The following PPFIA1 variants were observed in gnomAD, a reference collection of about 807,000 sequenced individuals.
PPFIA1 encodes the protein PPFI scaffold protein A1.
In PPFIA1, 25 loss-of-function variants were observed where a neutral mutation model predicts 149.9. That is an observed-to-expected ratio of 0.17 (90% CI 0.12 to 0.23). The LOEUF is 0.23. PPFIA1 is among the 10% of genes least tolerant of loss of function. The pLI is 1.00. For missense variants in PPFIA1, 1,362 were observed against 1,506.5 expected (o/e 0.90, Z 1.59); for synonymous variants, 549 against 552.8 (o/e 0.99, Z 0.10).
intron 11 of PPFIA1, 96 bp from the exon 12 acceptor site, chr11:70,337,269 T>C (rs2055039149): frequency 1.2e-6 from 1 of 846,422 alleles, no homozygotes; most frequent in Admixed American, 3.4e-5. Context: ...TCCGTTCCCT[T>C]TGTGTGGTCC....
At chr11:70,287,849 G>T in intron 2 of PPFIA1, among the ~76,000 whole-genome samples, 1 of 151,944 alleles carries the variant, frequency 6.6e-6, no homozygotes, top group African/African-American at 2.4e-5. Context: ...GTCTCCCTAT[G>T]TGCCCCAGGC....
At chr11:70,298,038 G>A (rs2052201899) in intron 2 of PPFIA1, among the ~76,000 whole-genome samples, 1 of 152,020 alleles carries the variant, frequency 6.6e-6, no homozygotes, top group African/African-American at 2.4e-5. Flanking sequence ...AGAATTATCA[G>A]GAAAAAATGC....
At position 70,355,852 on chromosome 11, in the gene PPFIA1, G is replaced by A. The variant is rs768501882; in HGVS notation, c.2488+41G>A. ...GCACCCTTCTCAGCACCCAGGGGTC[G>A]GGGAGGAAGGCACTGCCTTCGGTGC... is the stretch of plus-strand genomic sequence containing the variant. On this transcript the variant is annotated intron_variant, in intron 18 of 27. Coordinates refer to ENST00000253925, the MANE Select transcript of PPFIA1 (RefSeq NM_003626.5). 3.4e-5 allele frequency: 53 copies of A among 1,573,726 alleles called. No individual in the cohort carries two copies. The African/African-American group carries it at 4.6e-4, about 14-fold the overall frequency.
rs929604949 is a variant in PPFIA1 at position 70,309,175 on chromosome 11, C to CT, written c.265-15215dup. On this transcript the variant is annotated intron_variant, in intron 2 of 27. Coordinates refer to ENST00000253925, the MANE Select transcript of PPFIA1 (RefSeq NM_003626.5). ...GGTTGTTTTGAAACATACATGCTAA[C>CT]TTTTTTTTTTTTGAAATGGAGTCTT... Among the ~76,000 whole-genome samples, 617 of 146,892 alleles carry CT rather than the reference C, an allele frequency of 4.2e-3. 9 individuals are homozygous for CT. The highest frequency in any genetic ancestry group is 0.012 in the African/African-American group (493 of 40,344).
At chr11:70,333,103 T>C (rs1402642271) in intron 9 of PPFIA1, 1 of 469,214 alleles carries the variant, frequency 2.1e-6, no homozygotes, top group Non-Finnish European at 4.2e-6. Flanking sequence ...GAAGGTAGAA[T>C]GGGTGCACTG....
In PPFIA1 at chr11:70,332,054, T is replaced by G. The variant is rs1206163072; in HGVS notation, c.1172T>G (p.Val391Gly). The G allele has an allele frequency of 1.9e-6, 3 of 1,612,288 alleles. No homozygotes were observed. Among genetic ancestry groups the G allele is most frequent in the Non-Finnish European group, 2.5e-6 (3 of 1,179,234 alleles). Residue 391 changes from valine to glycine, a missense_variant, in exon 9 of 28, where the codon GTG becomes GGG. Physicochemically the swap from Val to Gly is moderately radical, Grantham distance 109. Coordinates refer to ENST00000253925, the MANE Select transcript of PPFIA1 (RefSeq NM_003626.5). ...TLRKAETLPE[V>G]EAELAQRVAA... The stretch of plus-strand genomic sequence containing the variant: ...AGGAAGGCAGAGACGCTCCCGGAGG[T>G]GGAGGCGGAGCTGGCCCAGAGGGTG...
chr11:70,311,836 C>CTTTTT (rs140584652), intron 2 of PPFIA1, among the ~76,000 whole-genome samples: 2 of 70,094 alleles, frequency 2.9e-5, no homozygotes, highest in Non-Finnish European at 5.3e-5. Context: ...AGTGAGTCAG[C>CTTTTT]TTTTTTTTTT....
chr11:70,302,473 C>T (rs527713250), intron 2 of PPFIA1, among the ~76,000 whole-genome samples: 5 of 152,300 alleles, frequency 3.3e-5, no homozygotes, highest in South Asian at 4.2e-4. Context: ...AGGGAGCACA[C>T]TGCGGCAACA....
chr11:70,280,426 G>A (rs1484438806), intron 2 of PPFIA1, among the ~76,000 whole-genome samples: 14 of 151,894 alleles, frequency 9.2e-5, no homozygotes, highest in African/African-American at 2.7e-4. Context: ...AAAAATAGCC[G>A]GGCATGGTGG....
Position 70,354,329 on chromosome 11 carries a change from A to G in PPFIA1, c.2192A>G (p.Asp731Gly). Residue 731 changes from aspartate (D) to glycine (G), a missense_variant, in exon 17 of 28, where the codon GAT becomes GGT. Physicochemically the swap from Asp to Gly is moderately conservative, Grantham distance 94. Coordinates refer to ENST00000253925, the MANE Select transcript of PPFIA1 (RefSeq NM_003626.5). ...LLPPSREEVR[D>G]DKTTIKCETS... is the part of the protein sequence containing the mutation. ...CCACCTTCCAGAGAAGAGGTACGAG[A>G]TGACAAGACAACCATAAAGTGTGAA... 1 of 1,613,910 alleles carries G rather than the reference A, an allele frequency of 6.2e-7. No individual in the cohort carries two copies. The highest frequency in any genetic ancestry group is 2.2e-5 in the East Asian group (1 of 44,846).
intron 10 of PPFIA1, among the ~76,000 whole-genome samples, chr11:70,333,823 T>C (rs1046344755): frequency 7.9e-5 from 12 of 152,182 alleles, no homozygotes; most frequent in Non-Finnish European, 1.5e-4. Flanking sequence ...GCTTCTTGCT[T>C]GTCTAGCGGC....
At chr11:70,293,029 T>A (rs1324654550) in intron 2 of PPFIA1, among the ~76,000 whole-genome samples, 1 of 152,358 alleles carries the variant, frequency 6.6e-6, no homozygotes, top group South Asian at 2.1e-4. Flanking sequence ...GAGCCTAGTC[T>A]GAGCAAGGTG....
chr11:70,286,887 T>C (rs1216778266), intron 2 of PPFIA1, among the ~76,000 whole-genome samples: 1 of 151,216 alleles, frequency 6.6e-6, no homozygotes, highest in Non-Finnish European at 1.5e-5. Context: ...TGCGCCACTA[T>C]GGTTGGCTAA....
rs577310789 is a variant in PPFIA1, at chr11:70,288,949, C to T, written c.264+16513C>T. Among the ~76,000 whole-genome samples, 3 of 146,640 alleles carry T rather than the reference C, an allele frequency of 2.0e-5. No homozygotes were observed. The East Asian group carries it at 5.9e-4, about 29-fold the overall frequency. On this transcript the variant is annotated intron_variant, in intron 2 of 27. Coordinates refer to ENST00000253925, the MANE Select transcript of PPFIA1 (RefSeq NM_003626.5). Reference sequence around the variant, plus strand: ...TTGGGGCTGGGTGTGGCCACTGTCACGGGGGTAGCATCTGGTTGTTTTTTT... The same window carrying T: ...TTGGGGCTGGGTGTGGCCACTGTCATGGGGGTAGCATCTGGTTGTTTTTTT...
chr11:70,330,031 G>A (rs2054559545), intron 7 of PPFIA1, 142 bp from the exon 8 acceptor site: 1 of 687,278 alleles, frequency 1.5e-6, no homozygotes, highest in African/African-American at 1.9e-5. Flanking sequence ...ATAGGAGTGA[G>A]CTGCTGTATC....
chr11:70,296,485 G>A (rs2052030352), intron 2 of PPFIA1, among the ~76,000 whole-genome samples: 1 of 152,296 alleles, frequency 6.6e-6, no homozygotes, highest in Non-Finnish European at 1.5e-5. Context: ...CTGGAGGCCA[G>A]CCCGGCCAAC....
intron 2 of PPFIA1, among the ~76,000 whole-genome samples, chr11:70,288,257 A>T (rs1176843220): frequency 6.6e-6 from 1 of 151,754 alleles, no homozygotes; most frequent in African/African-American, 2.4e-5. Context: ...TTTTTAGTAG[A>T]GATGGGGTTT....
intron 2 of PPFIA1, among the ~76,000 whole-genome samples, chr11:70,284,564 A>C (rs910227279): frequency 2.0e-5 from 3 of 152,230 alleles, no homozygotes; most frequent in Non-Finnish European, 4.4e-5. Flanking sequence ...GCAGGTTGCG[A>C]GACACATCCA....
intron 10 of PPFIA1, chr11:70,334,763 C>T (rs1282410707): frequency 1.3e-5 from 2 of 152,246 alleles, no homozygotes; most frequent in Non-Finnish European, 2.9e-5. Context: ...GCTGTCTCCT[C>T]CTGCCTGGGC....
Sources: gnomAD v4.1 joint callset for allele counts (sites outside exome capture counted in the v4.1 genomes callset) on GRCh38, gnomAD v4.1.1 for gene constraint, MANE v1.5 for transcripts, NCBI Gene and HGNC (gene_info 2026-07-23, HGNC 2026-07-21) for gene names.